Variants in CAMK1D observed in about 807,000 individuals in gnomAD.
The protein encoded by CAMK1D is calcium/calmodulin dependent protein kinase ID, also known as calcium/calmodulin-dependent protein kinase type 1D.
CAMK1D carries 9 observed loss-of-function variants against 47.7 expected under a neutral mutation model. The observed-to-expected ratio is 0.19, with a 90% CI of 0.11 to 0.33. The LOEUF (loss-of-function observed/expected upper bound fraction) is 0.33, where lower values mean the gene tolerates loss of function less well. Among genes scored for constraint, CAMK1D ranks in the 10% least tolerant of loss-of-function variants. The pLI, the probability that CAMK1D is intolerant of heterozygous loss-of-function variation, is 1.00. For missense variants in CAMK1D, 291 were observed against 488.7 expected (o/e 0.60, Z 3.81); for synonymous variants, 184 against 184.9 (o/e 0.99, Z 0.04).
At chr10:12,455,276 A>G (rs1413928271) in intron 1 of CAMK1D, among the ~76,000 whole-genome samples, 11 of 152,162 alleles carry the variant, frequency 7.2e-5, no homozygotes, top group Non-Finnish European at 1.2e-4. Context: ...GGCTTAAGCA[A>G]TCCTCCTGCC....
At chr10:12,820,354 A>C (rs2131103180) in intron 8 of CAMK1D, among the ~76,000 whole-genome samples, 1 of 152,254 alleles carries the variant, frequency 6.6e-6, no homozygotes, top group African/African-American at 2.4e-5. Flanking sequence ...AATAAGTCAA[A>C]CCCTGGAAAA....
At chr10:12,774,219 A>G (rs563201948) in intron 5 of CAMK1D, among the ~76,000 whole-genome samples, 12 of 152,270 alleles carry the variant, frequency 7.9e-5, no homozygotes, top group African/African-American at 2.6e-4. Context: ...CTTAAGTACT[A>G]TGGAGAAAAA....
At chr10:12,750,789 G>A (rs984585931) in intron 3 of CAMK1D, among the ~76,000 whole-genome samples, 3 of 152,212 alleles carry the variant, frequency 2.0e-5, no homozygotes, top group African/African-American at 7.2e-5. Context: ...CATGGCTCAC[G>A]CCTGTAATCC....
At chr10:12,375,336 C>T (rs1256006631) in intron 1 of CAMK1D, among the ~76,000 whole-genome samples, 2 of 152,198 alleles carry the variant, frequency 1.3e-5, no homozygotes, top group Non-Finnish European at 2.9e-5. Flanking sequence ...TCCTTGAGAA[C>T]GTTCCCCCAC....
chr10:12,654,730 C>T (rs1564470537), intron 2 of CAMK1D, among the ~76,000 whole-genome samples: 1 of 152,116 alleles, frequency 6.6e-6, no homozygotes, highest in African/African-American at 2.4e-5. Flanking sequence ...AAAAATCAGA[C>T]TTATTATCAA....
intron 1 of CAMK1D, among the ~76,000 whole-genome samples, chr10:12,522,881 ACC>A (rs1835475622): frequency 6.6e-5 from 5 of 75,946 alleles, no homozygotes; most frequent in African/African-American, 2.9e-4. Context: ...CTGACCCCCC[ACC>A]TCCCTCCCGG....
intron 8 of CAMK1D, among the ~76,000 whole-genome samples, chr10:12,818,781 C>T (rs929958636): frequency 3.9e-5 from 6 of 152,072 alleles, no homozygotes. Flanking sequence ...TTCCCTTCAC[C>T]ATCACACTGG....
At chr10:12,535,884 G>A (rs1182032319) in intron 1 of CAMK1D, among the ~76,000 whole-genome samples, 2 of 152,160 alleles carry the variant, frequency 1.3e-5, no homozygotes, top group East Asian at 1.9e-4. Context: ...GAGTTGTGGT[G>A]TGTTATCTGT....
intron 1 of CAMK1D, among the ~76,000 whole-genome samples, chr10:12,452,753 T>C (rs1418998759): frequency 6.6e-6 from 1 of 152,054 alleles, no homozygotes; most frequent in Non-Finnish European, 1.5e-5. Context: ...GCCTGGCTAA[T>C]TTTTTTATTT....
chr10:12,505,851 C>T (rs1564378278), intron 1 of CAMK1D, among the ~76,000 whole-genome samples: 1 of 144,698 alleles, frequency 6.9e-6, no homozygotes, highest in Non-Finnish European at 1.6e-5. Flanking sequence ...TTTCAGACAG[C>T]TGTCATCTTC....
chr10:12,360,709 A>AGT (rs1837633412), intron 1 of CAMK1D, among the ~76,000 whole-genome samples: 1 of 152,072 alleles, frequency 6.6e-6, no homozygotes, highest in Non-Finnish European at 1.5e-5. Context: ...CAAACTGGGG[A>AGT]GTTGAGGGCT....
intron 3 of CAMK1D, among the ~76,000 whole-genome samples, chr10:12,682,958 A>G (rs182869723): frequency 8.6e-5 from 13 of 151,528 alleles, no homozygotes; most frequent in Middle Eastern, 3.4e-3. Context: ...GAGTGTCTCT[A>G]TCTCCTAGGC....
At chr10:12,392,124 G>A (rs1020415710) in intron 1 of CAMK1D, among the ~76,000 whole-genome samples, 21 of 152,030 alleles carry the variant, frequency 1.4e-4, no homozygotes, top group African/African-American at 4.8e-4. Context: ...CCAACATGGT[G>A]AAACTCCGTT....
At chr10:12,527,627 C>T (rs534564854) in intron 1 of CAMK1D, among the ~76,000 whole-genome samples, 8 of 152,130 alleles carry the variant, frequency 5.3e-5, no homozygotes, top group Non-Finnish European at 1.0e-4. Context: ...CCGCCTGCCT[C>T]GGCTTCCCGA....
chr10:12,413,690 C>T (rs1839751729), intron 1 of CAMK1D, among the ~76,000 whole-genome samples: 1 of 32,574 alleles, frequency 3.1e-5, no homozygotes, highest in African/African-American at 1.3e-4. Context: ...GATATTGAAT[C>T]TCTGGATTTG....
chr10:12,710,727 G>C lies in CAMK1D; in HGVS notation c.299+43917G>C, dbSNP rs534415874. On this transcript the variant is annotated intron_variant, in intron 3 of 10. Coordinates refer to ENST00000619168, the MANE Select transcript of CAMK1D (RefSeq NM_153498.4). ...TCAGGACCCAGGCAAGAGGGGGAGT[G>C]TGTAAAGACCTACACTGTATTCCAC... is the stretch of plus-strand genomic sequence containing the variant. Among the ~76,000 whole-genome samples, 3 of 151,766 alleles carry C rather than the reference G, an allele frequency of 2.0e-5. No homozygotes were observed. The East Asian group carries it at 5.8e-4, about 30-fold the overall frequency.
chr10:12,812,626 G>GAA (rs923224917), intron 6 of CAMK1D, among the ~76,000 whole-genome samples: 1 of 150,970 alleles, frequency 6.6e-6, no homozygotes, highest in Non-Finnish European at 1.5e-5. Flanking sequence ...AAGAAAGAAA[G>GAA]AAAAAAAAAG....
At chr10:12,475,410 A>G (rs1833873237) in intron 1 of CAMK1D, among the ~76,000 whole-genome samples, 1 of 152,140 alleles carries the variant, frequency 6.6e-6, no homozygotes, top group Admixed American at 6.5e-5. Context: ...TGTTTCACTT[A>G]GCATAATGTC....
chr10:12,681,871 T>G (rs1039664067), intron 3 of CAMK1D, among the ~76,000 whole-genome samples: 4 of 152,220 alleles, frequency 2.6e-5, no homozygotes, highest in African/African-American at 9.6e-5. Flanking sequence ...TTGAAATATA[T>G]TCCTACAAAA....
Sources: allele counts gnomAD v4.1 joint callset (sites outside exome capture counted in the v4.1 genomes callset), GRCh38; gene constraint gnomAD v4.1.1; transcripts MANE v1.5; gene names NCBI Gene and HGNC (gene_info 2026-07-23, HGNC 2026-07-21).